IL17RD: variants seen among roughly 807,000 people sequenced by gnomAD.
IL17RD encodes the protein interleukin 17 receptor D.
A neutral mutation model predicts 80.5 loss-of-function variants in IL17RD; 52 were observed. That is an observed-to-expected ratio of 0.65 (90% CI 0.52 to 0.81). The LOEUF (loss-of-function observed/expected upper bound fraction) is 0.81. Ranked by LOEUF, IL17RD falls within the 40% of genes least tolerant of loss-of-function variation. The pLI, the probability that IL17RD is intolerant of heterozygous loss-of-function variation, is 0.00. For synonymous variants in IL17RD, 416 were observed against 391.8 expected (o/e 1.06, Z -0.73); for missense variants, 1,024 against 955.1 (o/e 1.07, Z -0.95).
Position 57,120,637 on chromosome 3 carries a change from C to T in IL17RD, c.127-324G>A, listed in dbSNP as rs79690126. The stretch of plus-strand genomic sequence containing the variant: ...TGGGAGAGAGACCAAGAGCTGCCAG[C>T]TGGAGCCCTTCCAGTTAGATCCACT... On this transcript the variant is annotated intron_variant, in intron 1 of 12. Coordinates refer to ENST00000296318, the MANE Select transcript of IL17RD (RefSeq NM_017563.5). Among the ~76,000 whole-genome samples the T allele has an allele frequency of 4.6e-5, 7 of 152,356 alleles. No individual in the cohort carries two copies. In the East Asian group the frequency reaches 1.3e-3, roughly 29 times the overall value.
upstream of IL17RD, among the ~76,000 whole-genome samples, chr3:57,168,096 T>G (rs2060355573): frequency 6.6e-6 from 1 of 152,186 alleles, no homozygotes; most frequent in Admixed American, 6.5e-5. Flanking sequence ...CCTCACAAAG[T>G]GCTAGGATTA....
In IL17RD at chr3:57,097,896, G is replaced by C. The variant is rs747153259; in HGVS notation, c.1807C>G (p.Leu603Val). The C allele has an allele frequency of 7.4e-6, 12 of 1,613,996 alleles. No individual in the cohort carries two copies. The East Asian group carries it at 2.7e-4, about 36-fold the overall frequency. Residue 603 changes from leucine (L) to valine (V), a missense_variant, in exon 12 of 13, where the codon CTA becomes GTA. By Grantham distance (32) the Leu-to-Val change is conservative. Transcript: ENST00000296318. ...CKPGPESDFC[L>V]KVEAAVLGAT... ...CCAAGAACAGCCGCCTCTACCTTTA[G>C]GCAGAAGTCACTCTCAGGCCCTGGT...
chr3:57,164,019 C>T (rs935769551), intron 1 of IL17RD, among the ~76,000 whole-genome samples: 1 of 152,166 alleles, frequency 6.6e-6, no homozygotes, highest in Non-Finnish European at 1.5e-5. Flanking sequence ...TAGAGCCACC[C>T]AGAAGAGGCT....
intron 8 of IL17RD, among the ~76,000 whole-genome samples, chr3:57,103,511 T>A (rs975870721): frequency 6.6e-6 from 1 of 152,174 alleles, no homozygotes; most frequent in African/African-American, 2.4e-5. Flanking sequence ...AGAAGGTGTA[T>A]CAGTCAAAAA....
At chr3:57,153,072 G>A (rs1344998187) in intron 1 of IL17RD, among the ~76,000 whole-genome samples, 1 of 152,230 alleles carries the variant, frequency 6.6e-6, no homozygotes, top group African/African-American at 2.4e-5. Flanking sequence ...TTTTGAGACA[G>A]TGTGGTTGAT....
intron 1 of IL17RD, among the ~76,000 whole-genome samples, chr3:57,143,430 G>A (rs1405240172): frequency 6.6e-6 from 1 of 152,148 alleles, no homozygotes; most frequent in Non-Finnish European, 1.5e-5. Context: ...TCCCTCAGAG[G>A]AGCCAGTCCT....
chr3:57,135,109 A>G (rs1355166191), intron 1 of IL17RD, among the ~76,000 whole-genome samples: 1 of 150,216 alleles, frequency 6.7e-6, no homozygotes, highest in Non-Finnish European at 1.5e-5. Context: ...CCTTGTCTCA[A>G]AACAAACAAA....
rs1706533988 is a variant in IL17RD, at chr3:57,090,628, C to T, written c.*5765G>A. 1.3e-5 allele frequency: 2 copies of T among 152,362 alleles called. No homozygotes were observed. Among genetic ancestry groups the T allele is most frequent in the South Asian group, 4.1e-4 (2 of 4,826 alleles). The allele number at this position is 152,362 out of a possible 1,614,324, so 9.4% of individuals were successfully genotyped here. ...CCATGTTGGTCAGGCTGGTCTTGAACTCTGGACCTCAGGTGATCCGCCCAC... is the reference window on the plus strand; with the variant it reads ...CCATGTTGGTCAGGCTGGTCTTGAATTCTGGACCTCAGGTGATCCGCCCAC... On this transcript the variant is annotated 3_prime_UTR_variant, in exon 13 of 13. Coordinates refer to ENST00000296318, the MANE Select transcript of IL17RD (RefSeq NM_017563.5).
rs115428401 is a variant in IL17RD, at chr3:57,165,110, T to C, written c.126+51A>G. On this transcript the variant is annotated intron_variant, in intron 1 of 12. Transcript: ENST00000296318. ...CCTCCCCGCGAGCACCTGTGCGCGC[T>C]GCGTCCCCCGCGAGTTGGCGACGGC... The C allele has an allele frequency of 2.9e-3, 4,263 of 1,465,966 alleles. 113 individuals carry two copies. The African/African-American group carries it at 0.055, about 19-fold the overall frequency. 90.8% of individuals were successfully genotyped at this position (1,465,966 alleles called of 1,614,324 possible).
intron 1 of IL17RD, among the ~76,000 whole-genome samples, chr3:57,149,410 G>T (rs755055477): frequency 1.3e-5 from 2 of 151,892 alleles, no homozygotes; most frequent in Non-Finnish European, 1.5e-5. Context: ...ACCCATATTG[G>T]TAAGTCCTGT....
intron 1 of IL17RD, among the ~76,000 whole-genome samples, chr3:57,150,874 G>C (rs1024368812): frequency 6.6e-6 from 1 of 152,146 alleles, no homozygotes; most frequent in African/African-American, 2.4e-5. Flanking sequence ...ATTACGAAGG[G>C]GGCCAAAACT....
At chr3:57,163,682 T>C (rs144488718) in intron 1 of IL17RD, among the ~76,000 whole-genome samples, 120 of 151,812 alleles carry the variant, frequency 7.9e-4, no homozygotes, top group African/African-American at 2.7e-3. Context: ...CTAAAATTTT[T>C]TTAAACAATA....
At chr3:57,111,642 C>T (rs931794312) in intron 3 of IL17RD, among the ~76,000 whole-genome samples, 15 of 152,230 alleles carry the variant, frequency 9.9e-5, no homozygotes, top group African/African-American at 2.2e-4. Context: ...GTGATTAATA[C>T]CATTAACAGC....
chr3:57,139,389 T>C (rs542190536), intron 1 of IL17RD, among the ~76,000 whole-genome samples: 1 of 152,344 alleles, frequency 6.6e-6, no homozygotes, highest in Admixed American at 6.5e-5. Context: ...TTTTAAACTT[T>C]TTCCTTTGTT....
intron 1 of IL17RD, among the ~76,000 whole-genome samples, chr3:57,154,279 T>TACACACACACAC (rs779041353): frequency 2.4e-5 from 3 of 126,340 alleles, no homozygotes; most frequent in African/African-American, 9.8e-5. Flanking sequence ...TATATATATA[T>TACACACACACAC]ATATACACAC....
Position 57,092,222 on chromosome 3 carries a change from T to C in IL17RD, c.*4171A>G, listed in dbSNP as rs927808417. 1 of 152,604 alleles carries C rather than the reference T, an allele frequency of 6.6e-6. No homozygotes were observed. The highest frequency in any genetic ancestry group is 2.4e-5 in the African/African-American group (1 of 41,432). 9.5% of individuals were successfully genotyped at this position (152,604 alleles called of 1,614,324 possible). ...ATCATGTCTTGGCCTATGCTCAGAATTGCACACCACCTGAAAAAAATTATG... is the reference window on the plus strand; with the variant it reads ...ATCATGTCTTGGCCTATGCTCAGAACTGCACACCACCTGAAAAAAATTATG... On this transcript the variant is annotated 3_prime_UTR_variant, in exon 13 of 13. Coordinates refer to ENST00000296318, the MANE Select transcript of IL17RD (RefSeq NM_017563.5).
rs1393452298 is a variant in IL17RD, at chr3:57,097,637, G to C, written c.2066C>G (p.Thr689Arg). 2 of 1,593,914 alleles carry C rather than the reference G, an allele frequency of 1.3e-6. No homozygotes were observed. The highest frequency in any genetic ancestry group is 3.5e-5 in the Admixed American group (2 of 56,808). The stretch of plus-strand genomic sequence containing the variant: ...GGACACGCTCTCCGTCAGGGAAGAC[G>C]TTTCTGTCTGGTCCGTCGAGAGTCC... The part of the protein sequence containing the change: ...MEGLSTDQTE[T>R]SSLTESVSSS... The change falls in exon 12 of 13, where the codon ACG (threonine) becomes AGG (arginine). Residue 689 changes from threonine (T) to arginine (R), a missense_variant. Physicochemically the swap from Thr to Arg is moderately conservative, Grantham distance 71 (BLOSUM62 -1). Transcript: ENST00000296318.
At chr3:57,096,959 G>A (rs1308430941) in intron 12 of IL17RD, among the ~76,000 whole-genome samples, 1 of 150,358 alleles carries the variant, frequency 6.7e-6, no homozygotes, top group Non-Finnish European at 1.5e-5. Context: ...GCAGTGAGCT[G>A]AGATCATGCC....
At chr3:57,123,256 G>T (rs1707378712) in intron 1 of IL17RD, among the ~76,000 whole-genome samples, 1 of 152,180 alleles carries the variant, frequency 6.6e-6, no homozygotes, top group African/African-American at 2.4e-5. Flanking sequence ...GCAGACCCAG[G>T]TCTTGACCTC....
Sources: gnomAD v4.1 joint callset for allele counts (sites outside exome capture counted in the v4.1 genomes callset) on GRCh38, gnomAD v4.1.1 for gene constraint, MANE v1.5 for transcripts, NCBI Gene and HGNC (gene_info 2026-07-23, HGNC 2026-07-21) for gene names.